TMEM38B: variants seen among roughly 807,000 people sequenced by gnomAD.
The protein encoded by TMEM38B is transmembrane protein 38B, also known as trimeric intracellular cation channel type B.
A neutral mutation model predicts 28.7 loss-of-function variants in TMEM38B; 24 were observed. The observed-to-expected ratio is 0.84, with a 90% CI of 0.61 to 1.18. TMEM38B has a LOEUF of 1.18. TMEM38B is among the 50% of genes most tolerant of loss of function. The pLI, the probability that TMEM38B is intolerant of heterozygous loss-of-function variation, is 0.00. For synonymous variants in TMEM38B, 131 were observed against 127.7 expected, an observed-to-expected ratio of 1.03 and a Z score of -0.17; for missense variants, 380 against 350.9, an observed-to-expected ratio of 1.08 and a Z score of -0.66.
chr9:105,741,409 G>A (rs1042325994), intron 4 of TMEM38B, among the ~76,000 whole-genome samples: 7 of 152,278 alleles, frequency 4.6e-5, no homozygotes, highest in Non-Finnish European at 7.4e-5. Context: ...TGAGGGGTCC[G>A]AAGGAAGTGA....
intron 4 of TMEM38B, among the ~76,000 whole-genome samples, chr9:105,746,394 A>G (rs1430714375): frequency 6.6e-6 from 1 of 152,204 alleles, no homozygotes; most frequent in African/African-American, 2.4e-5. Flanking sequence ...TTATTGGTGT[A>G]TAAGAATGCT....
chr9:105,710,030 C>T (rs111270895), intron 2 of TMEM38B, among the ~76,000 whole-genome samples: 208 of 152,334 alleles, frequency 1.4e-3, no homozygotes, highest in African/African-American at 4.8e-3. Flanking sequence ...TCCGCAAGTA[C>T]AAAGTTGAAT....
chr9:105,734,939 G>T (rs1588434178), intron 4 of TMEM38B, among the ~76,000 whole-genome samples: 1 of 149,886 alleles, frequency 6.7e-6, no homozygotes, highest in African/African-American at 2.5e-5. Flanking sequence ...ATTCATCCTA[G>T]AAAAGGGATT....
chr9:105,714,034 G>T (rs1211901466), intron 2 of TMEM38B, among the ~76,000 whole-genome samples: 1 of 108,274 alleles, frequency 9.2e-6, no homozygotes, highest in East Asian at 5.7e-4. Flanking sequence ...CCTCCTCTCT[G>T]CTGAGAGCTG....
At position 105,728,888 on chromosome 9, in the gene TMEM38B, G is replaced by A. The variant is rs143546197; in HGVS notation, c.542+6267G>A. ...TGCATTAATGTCTTCTTTTGAGAAG[G>A]GTCTGTTCATATCCTTTGCCCACTT... On this transcript the variant is annotated intron_variant, in intron 4 of 5. Coordinates refer to ENST00000374692, the MANE Select transcript of TMEM38B (RefSeq NM_018112.3). Among the ~76,000 whole-genome samples, 19 of 151,998 alleles carry A rather than the reference G, an allele frequency of 1.3e-4. No homozygotes were observed. The South Asian group carries it at 4.0e-3, about 32-fold the overall frequency.
chr9:105,710,392 T>G (rs112157643), intron 2 of TMEM38B: 17 of 874,062 alleles, frequency 1.9e-5, no homozygotes, highest in African/African-American at 8.4e-5. Context: ...ACTGACTTCA[T>G]GATCTCCTTC....
At chr9:105,768,063 C>T (rs1277730428) in intron 5 of TMEM38B, among the ~76,000 whole-genome samples, 3 of 152,062 alleles carry the variant, frequency 2.0e-5, no homozygotes, top group Non-Finnish European at 4.4e-5. Flanking sequence ...AGCTATTAAG[C>T]ATCTTATAGA....
At chr9:105,709,267 C>G (rs1486012332) in intron 2 of TMEM38B, among the ~76,000 whole-genome samples, 1 of 151,954 alleles carries the variant, frequency 6.6e-6, no homozygotes, top group Non-Finnish European at 1.5e-5. Flanking sequence ...TAATATAACT[C>G]CAGTATATTA....
chr9:105,706,684 TTCTC>T lies in TMEM38B; in HGVS notation c.269+937_269+940del, dbSNP rs566379176. ...GGAGTAACAATAAAGGAATTTGTCT[TTCTC>T]TCTCTTTTTTTTTTCCTTAACCTTG... On this transcript the variant is annotated intron_variant, in intron 2 of 5. Transcript: ENST00000374692. Among the ~76,000 whole-genome samples, 788 of 152,174 alleles carry T rather than the reference TTCTC, an allele frequency of 5.2e-3. 6 individuals are homozygous for T. Among genetic ancestry groups the T allele is most frequent in the Middle Eastern group, 0.02 (6 of 294 alleles).
At chr9:105,738,715 C>CTTTTTTTTT (rs71489351) in intron 4 of TMEM38B, among the ~76,000 whole-genome samples, 9 of 109,670 alleles carry the variant, frequency 8.2e-5, no homozygotes, top group African/African-American at 2.9e-4. Context: ...TAATTTTTTC[C>CTTTTTTTTT]TTTTTTTTTT....
Position 105,774,139 on chromosome 9 carries a change from G to A in TMEM38B, c.*59G>A. 2 of 1,412,030 alleles carry A rather than the reference G, an allele frequency of 1.4e-6. No homozygotes were observed. The highest frequency in any genetic ancestry group is 2.4e-5 in the East Asian group (1 of 41,298). The allele number at this position is 1,412,030 out of a possible 1,614,324, so 87.5% of individuals were successfully genotyped here. A position where few individuals can be genotyped will look rare whatever the true frequency, so the allele number is the denominator to read the frequency against. ...TTTTTTCTTATCTACCTGTTATATTGTGCTAATTTTTCTATGTATGTGATG... is the reference window on the plus strand; with the variant it reads ...TTTTTTCTTATCTACCTGTTATATTATGCTAATTTTTCTATGTATGTGATG... On this transcript the variant is annotated 3_prime_UTR_variant, in exon 6 of 6. Coordinates refer to ENST00000374692, the MANE Select transcript of TMEM38B (RefSeq NM_018112.3).
At position 105,774,033 on chromosome 9, in the gene TMEM38B, G is replaced by A. The variant is rs771378424; in HGVS notation, c.829G>A (p.Val277Ile). The A allele has an allele frequency of 1.9e-6, 3 of 1,613,664 alleles. No homozygotes were observed. Among genetic ancestry groups the A allele is most frequent in the East Asian group, 2.2e-5 (1 of 44,874 alleles). The part of the protein sequence containing the change: ...VGSLASKPVD[V>I]ASDNVKKKHT... Reference sequence around the variant, plus strand: ...GTCATTGGCCTCAAAGCCGGTAGATGTTGCCTCAGATAATGTTAAAAAGAA... The same window carrying A: ...GTCATTGGCCTCAAAGCCGGTAGATATTGCCTCAGATAATGTTAAAAAGAA... The change falls in exon 6 of 6, where the codon GTT becomes ATT. Residue 277 changes from valine (V) to isoleucine (I), a missense_variant. Val to Ile is a conservative substitution (Grantham distance 29, BLOSUM62 3). Coordinates refer to ENST00000374692, the MANE Select transcript of TMEM38B (RefSeq NM_018112.3).
At chr9:105,713,999 C>T (rs1196055491) in intron 2 of TMEM38B, among the ~76,000 whole-genome samples, 1 of 152,086 alleles carries the variant, frequency 6.6e-6, no homozygotes, top group Non-Finnish European at 1.5e-5. Context: ...GAGCTGAGCA[C>T]GGAGGAGTTA....
At chr9:105,739,845 A>G (rs150400593) in intron 4 of TMEM38B, among the ~76,000 whole-genome samples, 2 of 151,750 alleles carry the variant, frequency 1.3e-5, no homozygotes, top group Non-Finnish European at 2.9e-5. Context: ...CTTCCAATGT[A>G]TGAACATGGG....
rs1261785663 is a variant in TMEM38B, at chr9:105,736,998, C to T, written c.543-11075C>T. On this transcript the variant is annotated intron_variant, in intron 4 of 5. Transcript: ENST00000374692. ...GGTCCTCTAGTTCTTGTTTTCCCAG[C>T]AACGGGATGGATCCTAGCTGAGGGG... 3.9e-5 allele frequency among the ~76,000 whole-genome samples: 6 copies of T among 152,286 alleles called. No homozygotes were observed. The East Asian group carries it at 9.7e-4, about 25-fold the overall frequency.
At chr9:105,753,255 C>G (rs1307335207) in intron 5 of TMEM38B, among the ~76,000 whole-genome samples, 1 of 152,120 alleles carries the variant, frequency 6.6e-6, no homozygotes, top group Non-Finnish European at 1.5e-5. Flanking sequence ...AGGATATCAT[C>G]CAGGAGAACT....
chr9:105,706,981 T>G (rs1381433062), intron 2 of TMEM38B, among the ~76,000 whole-genome samples: 1 of 152,256 alleles, frequency 6.6e-6, no homozygotes, highest in African/African-American at 2.4e-5. Flanking sequence ...TTTCACAATG[T>G]TGGCCAGGCT....
intron 4 of TMEM38B, among the ~76,000 whole-genome samples, chr9:105,741,090 A>G (rs914608234): frequency 6.6e-6 from 1 of 152,192 alleles, no homozygotes; most frequent in Non-Finnish European, 1.5e-5. Context: ...ACAGAGGGAG[A>G]TTTGACCACA....
intron 4 of TMEM38B, among the ~76,000 whole-genome samples, chr9:105,732,723 A>T (rs1836803412): frequency 6.6e-6 from 1 of 152,168 alleles, no homozygotes; most frequent in African/African-American, 2.4e-5. Flanking sequence ...CTTGTAGTAT[A>T]GTTTGAAGTC....
Sources: allele counts gnomAD v4.1 joint callset (sites outside exome capture counted in the v4.1 genomes callset), GRCh38; gene constraint gnomAD v4.1.1; transcripts MANE v1.5; gene names NCBI Gene and HGNC (gene_info 2026-07-23, HGNC 2026-07-21).